SYNPO2: variants seen among roughly 807,000 people sequenced by gnomAD.
The protein encoded by SYNPO2 is synaptopodin-2.
A neutral mutation model predicts 85.0 loss-of-function variants in SYNPO2; 56 were observed. That is an observed-to-expected ratio of 0.66 (90% CI 0.53 to 0.82). The LOEUF (loss-of-function observed/expected upper bound fraction) is 0.82. Ranked by LOEUF, SYNPO2 falls within the 40% of genes least tolerant of loss-of-function variation. The probability of loss-of-function intolerance (pLI) is 0.00; values close to 1 mark genes in which losing one functional copy is unlikely to be tolerated. For synonymous variants in SYNPO2, 602 were observed against 591.1 expected, an observed-to-expected ratio of 1.02 and a Z score of -0.27; for missense variants, 1,575 against 1,534.2, an observed-to-expected ratio of 1.03 and a Z score of -0.44.
At position 119,026,830 on chromosome 4, in the gene SYNPO2, G is replaced by C. The variant is rs12645298; in HGVS notation, c.461G>C (p.Gly154Ala). 434,031 of 1,613,866 alleles carry C rather than the reference G, an allele frequency of 0.27. 60,673 individuals carry two copies. Among genetic ancestry groups the C allele is most frequent in the East Asian group, 0.41 (18,380 of 44,824 alleles). The stretch of plus-strand genomic sequence containing the variant: ...CAAAGAAGTGGTCCCGACTGTGCAG[G>C]CAGCTTGAAAGAAGAAACAGGCCCG... ...ENQRSGPDCA[G>A]SLKEETGPSY... The change falls in exon 3 of 5, where the codon GGC becomes GCC. Residue 154 changes from glycine (G) to alanine (A), a missense_variant. Physicochemically the swap from Gly to Ala is moderately conservative, Grantham distance 60. Transcript: ENST00000307142.
chr4:118,934,171 T>C (rs2149134546), intron 1 of SYNPO2, among the ~76,000 whole-genome samples: 1 of 152,248 alleles, frequency 6.6e-6, no homozygotes, highest in Non-Finnish European at 1.5e-5. Flanking sequence ...CAGGAATAAT[T>C]TATTTGCATG....
chr4:118,966,373 C>G (rs1222792014), intron 1 of SYNPO2, among the ~76,000 whole-genome samples: 1 of 152,202 alleles, frequency 6.6e-6, no homozygotes, highest in Admixed American at 6.5e-5. Context: ...CCCATTTTAG[C>G]TTCTGGGTAG....
chr4:119,040,195 A>G (rs1424823655), intron 4 of SYNPO2, among the ~76,000 whole-genome samples: 2 of 152,250 alleles, frequency 1.3e-5, no homozygotes. Context: ...TCAATAAACA[A>G]TAGCTACTAT....
chr4:118,889,152 AACGAAGTGTC>A lies in SYNPO2; in HGVS notation c.105+15_105+24del, dbSNP rs752540488. ...TTACAAGTTGCAAAGGTAGGACCTG[AACGAAGTGTC>A]ACGGCTCTGTGCTAGGAAGGAAGGA... On this transcript the variant is annotated intron_variant, in intron 1 of 4. Coordinates refer to ENST00000307142, the MANE Select transcript of SYNPO2 (RefSeq NM_133477.3). The A allele has an allele frequency of 1.2e-6, 2 of 1,613,084 alleles. No individual in the cohort carries two copies. The highest frequency in any genetic ancestry group is 4.5e-5 in the East Asian group (2 of 44,840).
chr4:119,018,993 TA>T (rs2149182993), intron 1 of SYNPO2, among the ~76,000 whole-genome samples: 1 of 152,244 alleles, frequency 6.6e-6, no homozygotes, highest in South Asian at 2.1e-4. Context: ...TTCTCACTTA[TA>T]AGTGGGAGCT....
chr4:118,861,246 A>G (rs1233824064), intron 1 of SYNPO2, among the ~76,000 whole-genome samples: 2 of 152,106 alleles, frequency 1.3e-5, no homozygotes, highest in Non-Finnish European at 2.9e-5. Flanking sequence ...TCCACCTCCC[A>G]GGTTCAAGCA....
chr4:118,988,473 A>G (rs1191924545), intron 1 of SYNPO2, among the ~76,000 whole-genome samples: 2 of 152,160 alleles, frequency 1.3e-5, no homozygotes, highest in Non-Finnish European at 2.9e-5. Context: ...AACTCTAAAA[A>G]TGGTACTTGC....
intron 2 of SYNPO2, among the ~76,000 whole-genome samples, chr4:119,025,747 T>C (rs1737909013): frequency 6.6e-6 from 1 of 152,234 alleles, no homozygotes; most frequent in African/African-American, 2.4e-5. Flanking sequence ...TTCCTACAGC[T>C]GTTCTGTGAA....
At chr4:118,899,960 C>T (rs554262218) in intron 1 of SYNPO2, among the ~76,000 whole-genome samples, 15 of 152,238 alleles carry the variant, frequency 9.9e-5, no homozygotes, top group Non-Finnish European at 1.8e-4. Context: ...TGAGGTTTCA[C>T]CATGTTGGCC....
At chr4:119,004,020 G>A (rs80044707) in intron 1 of SYNPO2, among the ~76,000 whole-genome samples, 2,569 of 152,224 alleles carry the variant, frequency 0.017, 61 homozygotes, top group African/African-American at 0.059. Flanking sequence ...GTGGGAAACA[G>A]GAAATGGCAT....
chr4:119,016,798 C>T (rs1301104279), intron 1 of SYNPO2, among the ~76,000 whole-genome samples: 2 of 152,182 alleles, frequency 1.3e-5, no homozygotes, highest in East Asian at 3.9e-4. Flanking sequence ...ATGATGGCTG[C>T]TTTATAACAG....
At chr4:118,980,796 C>T (rs1336271167) in intron 1 of SYNPO2, among the ~76,000 whole-genome samples, 3 of 151,774 alleles carry the variant, frequency 2.0e-5, no homozygotes, top group Non-Finnish European at 2.9e-5. Flanking sequence ...GGAAAGAGGA[C>T]GCTGCCTCTT....
intron 1 of SYNPO2, among the ~76,000 whole-genome samples, chr4:118,916,109 T>A (rs1346008550): frequency 2.0e-5 from 3 of 152,064 alleles, no homozygotes; most frequent in African/African-American, 7.2e-5. Flanking sequence ...AACCCATATT[T>A]TCATGTTATT....
At chr4:118,970,845 C>T (rs561856183) in intron 1 of SYNPO2, among the ~76,000 whole-genome samples, 2 of 152,292 alleles carry the variant, frequency 1.3e-5, no homozygotes, top group African/African-American at 4.8e-5. Context: ...TGCTTTATAA[C>T]TCCTTGTCAA....
chr4:118,924,895 T>C (rs1042038413), intron 1 of SYNPO2, among the ~76,000 whole-genome samples: 1 of 152,196 alleles, frequency 6.6e-6, no homozygotes, highest in Non-Finnish European at 1.5e-5. Context: ...AGTGTGCATT[T>C]GAGTTGAATA....
intron 1 of SYNPO2, among the ~76,000 whole-genome samples, chr4:118,891,953 T>C (rs905585620): frequency 6.6e-6 from 1 of 152,202 alleles, no homozygotes; most frequent in African/African-American, 2.4e-5. Context: ...GTGAAATATC[T>C]ACATATTTAG....
At chr4:118,975,134 G>T (rs534468279) in intron 1 of SYNPO2, among the ~76,000 whole-genome samples, 41 of 152,164 alleles carry the variant, frequency 2.7e-4, no homozygotes, top group African/African-American at 9.9e-4. Flanking sequence ...GCACCTCCAG[G>T]AGTACACCAG....
chr4:118,877,921 C>A (rs996038310), intron 1 of SYNPO2, among the ~76,000 whole-genome samples: 9 of 152,128 alleles, frequency 5.9e-5, no homozygotes, highest in African/African-American at 2.2e-4. Flanking sequence ...ATGTTCGTTG[C>A]AGCACTATTC....
chr4:118,879,781 T>C (rs1194059877), intron 1 of SYNPO2, among the ~76,000 whole-genome samples: 1 of 152,106 alleles, frequency 6.6e-6, no homozygotes, highest in Admixed American at 6.5e-5. Context: ...TGGCCAGCAG[T>C]CAGGTACGTA....
Sources: allele counts gnomAD v4.1 joint callset (sites outside exome capture counted in the v4.1 genomes callset), GRCh38; gene constraint gnomAD v4.1.1; transcripts MANE v1.5; gene names NCBI Gene and HGNC (gene_info 2026-07-23, HGNC 2026-07-21).